SPTBN5: variants seen among roughly 807,000 people sequenced by gnomAD.
SPTBN5 encodes the protein spectrin beta, non-erythrocytic 5.
SPTBN5 carries 513 observed loss-of-function variants against 477.6 expected under a neutral mutation model. That is an observed-to-expected ratio of 1.07 (90% CI 1.00 to 1.16). The LOEUF is 1.16. Among genes scored for constraint, SPTBN5 ranks in the 50% most tolerant of loss-of-function variants. SPTBN5 has a pLI of 0.00. For synonymous variants in SPTBN5, 2,169 were observed against 2,011.7 expected, an observed-to-expected ratio of 1.08 and a Z score of -2.09; for missense variants, 5,062 against 4,731.8, an observed-to-expected ratio of 1.07 and a Z score of -2.05.
chr15:41,875,497 C>T lies in SPTBN5; in HGVS notation c.4248G>A (p.Gln1416=). ...GGAGTTGCTCCTGCTGTCCAGCCTG[C>T]TGGAGCTCGTCCCCACGCTCAGTCA... ...RKMTERGDEL[Q]QAGQQEQLLR... The change falls in exon 22 of 68, where the codon CAG becomes CAA. Residue 1416 remains glutamine (Q), a synonymous_variant. Transcript: ENST00000320955. The T allele has an allele frequency of 1.2e-6, 2 of 1,612,614 alleles. No homozygotes were observed.
intron 9 of SPTBN5, 63 bp from the exon 10 acceptor site, chr15:41,882,801 C>T (rs2067017466): frequency 1.3e-6 from 2 of 1,558,126 alleles, no homozygotes; most frequent in African/African-American, 1.4e-5. Flanking sequence ...AGTGGGTTCC[C>T]CTCCGGGTTT....
chr15:41,856,747 G>T (rs2065939072), intron 52 of SPTBN5, 106 bp downstream of exon 52: 1 of 1,358,188 alleles, frequency 7.4e-7, no homozygotes, highest in African/African-American at 1.5e-5. Flanking sequence ...CATCCCAAAA[G>T]CCCCCACAGG....
At chr15:41,882,557 C>A in intron 10 of SPTBN5, 28 bp downstream of exon 10, 1 of 1,583,278 alleles carries the variant, frequency 6.3e-7, no homozygotes, top group African/African-American at 1.3e-5. Flanking sequence ...GCGCTGGCGA[C>A]CGGCGGGCGC....
rs758945858 is a variant in SPTBN5, at chr15:41,893,271, G to T, written c.216+11C>A. 4.3e-5 allele frequency: 69 copies of T among 1,613,770 alleles called. 1 individual carries two copies. In the Middle Eastern group the frequency reaches 4.9e-4, roughly 12 times the overall value. On this transcript the variant is annotated intron_variant, in intron 2 of 67. Coordinates refer to ENST00000320955, the MANE Select transcript of SPTBN5 (RefSeq NM_016642.4). ...ATGGGTGGGCTGTGGGTCACAGCTGGCTATACTCACCTGGCCGCACTGGAA... is the reference window on the plus strand; with the variant it reads ...ATGGGTGGGCTGTGGGTCACAGCTGTCTATACTCACCTGGCCGCACTGGAA...
At position 41,851,934 on chromosome 15, in the gene SPTBN5, T is replaced by G. The variant is rs866616658; in HGVS notation, c.10585-84A>C. On this transcript the variant is annotated intron_variant, in intron 62 of 67. Transcript: ENST00000320955. ...AAGGCACCCACTGCCCCCAGCTCTCTTTATTCCTCCCATCCAAGTACTAAC... is the reference window on the plus strand; with the variant it reads ...AAGGCACCCACTGCCCCCAGCTCTCGTTATTCCTCCCATCCAAGTACTAAC... 8.8e-6 allele frequency: 10 copies of G among 1,140,154 alleles called. No individual in the cohort carries two copies. In the Middle Eastern group the frequency reaches 1.5e-3, roughly 167 times the overall value. 70.6% of individuals were successfully genotyped at this position (1,140,154 alleles called of 1,614,324 possible). A position where few individuals can be genotyped will look rare whatever the true frequency, so the allele number is the denominator to read the frequency against.
At chr15:41,873,366 G>C in intron 26 of SPTBN5, 126 bp downstream of exon 26, 1 of 724,266 alleles carries the variant, frequency 1.4e-6, no homozygotes, top group African/African-American at 1.8e-5. Context: ...GTGGGGATGG[G>C]GCTGTCTGTG....
rs771940150 is a variant in SPTBN5 at position 41,873,944 on chromosome 15, G to T, written c.4791C>A (p.Ile1597=). The change falls in exon 25 of 68, where the codon ATC becomes ATA. Residue 1597 remains isoleucine, a synonymous_variant. Coordinates refer to ENST00000320955, the MANE Select transcript of SPTBN5 (RefSeq NM_016642.4). ...AASGHPQAQH[I]VEQCQELEGH... Reference sequence around the variant, plus strand: ...CTTCCAGCTCCTGGCACTGCTCCACGATGTGTTGGGCTTGGGGGTGCCCTG... The same window carrying T: ...CTTCCAGCTCCTGGCACTGCTCCACTATGTGTTGGGCTTGGGGGTGCCCTG... The T allele has an allele frequency of 2.5e-6, 4 of 1,609,952 alleles. No homozygotes were observed. Among genetic ancestry groups the T allele is most frequent in the Admixed American group, 3.3e-5 (2 of 60,028 alleles).
rs2140928340 is a variant in SPTBN5 at position 41,862,512 on chromosome 15, G to C, written c.7385+27C>G. 2.5e-6 allele frequency: 4 copies of C among 1,575,348 alleles called. No individual in the cohort carries two copies. The East Asian group carries it at 9.1e-5, about 36-fold the overall frequency. On this transcript the variant is annotated intron_variant, in intron 43 of 67. Transcript: ENST00000320955. ...GACTGAGATGCTGGAGGATGGGTCGGCGAGGGCAAGGCCTGCGGGTTCATA... is the reference window on the plus strand; with the variant it reads ...GACTGAGATGCTGGAGGATGGGTCGCCGAGGGCAAGGCCTGCGGGTTCATA...
intron 12 of SPTBN5, 22 bp from the exon 13 acceptor site, chr15:41,881,256 G>A (rs752603787): frequency 7.6e-6 from 12 of 1,572,538 alleles, no homozygotes; most frequent in African/African-American, 6.8e-5. Flanking sequence ...AGGGCAGCGC[G>A]TCTACAGGCG....
Position 41,852,374 on chromosome 15 carries a change from C to T in SPTBN5, c.10450-58G>A, listed in dbSNP as rs2065794325. 2.0e-6 allele frequency: 3 copies of T among 1,503,784 alleles called. No individual in the cohort carries two copies. In the South Asian group the frequency reaches 3.9e-5, roughly 19 times the overall value. The allele number at this position is 1,503,784 out of a possible 1,614,324, so 93.2% of individuals were successfully genotyped here. On this transcript the variant is annotated intron_variant, in intron 61 of 67. Transcript: ENST00000320955. ...CAGGTCAGGGAGACCAGCCACACCTCAGGTTCCCGTCTACCTCCCCTCCCC... is the reference window on the plus strand; with the variant it reads ...CAGGTCAGGGAGACCAGCCACACCTTAGGTTCCCGTCTACCTCCCCTCCCC...
chr15:41,870,064 C>T, intron 31 of SPTBN5, 44 bp from the exon 32 acceptor site: 1 of 1,454,756 alleles, frequency 6.9e-7, no homozygotes, highest in Non-Finnish European at 9.1e-7. Flanking sequence ...TCATGTCCTC[C>T]TGATTATCCC....
intron 2 of SPTBN5, 105 bp from the exon 3 acceptor site, chr15:41,893,166 G>T: frequency 6.4e-7 from 1 of 1,570,382 alleles, no homozygotes; most frequent in Middle Eastern, 1.7e-4. Flanking sequence ...GGAAGAAGGA[G>T]CTCTGGCCTC....
chr15:41,876,330 G>C (rs2066726881), intron 20 of SPTBN5, 46 bp from the exon 21 acceptor site: 7 of 1,497,970 alleles, frequency 4.7e-6, no homozygotes, highest in African/African-American at 1.4e-5. Flanking sequence ...CGGTGGGTGG[G>C]GGCTGGTGCC....
chr15:41,882,334 G>A lies in SPTBN5; in HGVS notation c.2182C>T (p.Gln728Ter), dbSNP rs751230016. The A allele has an allele frequency of 2.0e-6, 3 of 1,534,270 alleles. No individual in the cohort carries two copies. The highest frequency in any genetic ancestry group is 3.9e-5 in the Admixed American group (2 of 50,924). The change falls in exon 11 of 68, where the codon CAG becomes TAG. Residue 728 changes from glutamine (Q) to a stop codon, truncating the protein, a stop_gained. Coordinates refer to ENST00000320955, the MANE Select transcript of SPTBN5 (RefSeq NM_016642.4). LOFTEE classifies it high-confidence loss of function. ...ERAEAVQGGW[Q>*]LLQTRVVGRG... ...CCCACCACCCGGGTCTGGAGCAGCT[G>A]CCACCCTCCCTGAACGGCCTCTGCC...
rs2066769928 is a variant in SPTBN5, at chr15:41,877,206, C to A, written c.3621G>T (p.Gly1207=). The change falls in exon 18 of 68, where the codon GGG becomes GGT. Residue 1207 remains glycine, a synonymous_variant. Coordinates refer to ENST00000320955, the MANE Select transcript of SPTBN5 (RefSeq NM_016642.4). ...CTCGGCCAAACTTCTGCAGCTCCAG[C>A]CCCTCTTGCAGCCACTGCTGCCTCT... ...WEQRQQWLQE[G]LELQKFGREV... is the part of the protein sequence containing the mutation. 3.7e-6 allele frequency: 6 copies of A among 1,614,014 alleles called. No homozygotes were observed. Among genetic ancestry groups the A allele is most frequent in the Non-Finnish European group, 5.1e-6 (6 of 1,179,894 alleles).
chr15:41,871,464 C>A lies in SPTBN5; in HGVS notation c.5358G>T (p.Arg1786=). Residue 1786 remains arginine, a synonymous_variant, in exon 29 of 68, where the codon CGG becomes CGT. Transcript: ENST00000320955. ...FQHQVEMGSQ[R]VAACRLLAES... ...CCGCCAGCAGCCGGCAGGCGGCCAC[C>A]CGCTGGCTGCCCATCTCCACTTGGT... is the stretch of plus-strand genomic sequence containing the variant. 1 of 1,538,278 alleles carries A rather than the reference C, an allele frequency of 6.5e-7. No individual in the cohort carries two copies. The highest frequency in any genetic ancestry group is 8.8e-7 in the Non-Finnish European group (1 of 1,140,624).
In SPTBN5 at chr15:41,876,917, T is replaced by A; in HGVS notation, c.3743A>T (p.Gln1248Leu). The A allele has an allele frequency of 2.5e-6, 4 of 1,609,990 alleles. No homozygotes were observed. Among genetic ancestry groups the A allele is most frequent in the Non-Finnish European group, 3.4e-6 (4 of 1,179,454 alleles). Residue 1248 changes from glutamine to leucine, a missense_variant, in exon 19 of 68, where the codon CAG (glutamine) becomes CTG (leucine). By Grantham distance (113) the Gln-to-Leu change is moderately radical (BLOSUM62 -2). Coordinates refer to ENST00000320955, the MANE Select transcript of SPTBN5 (RefSeq NM_016642.4). ...GAGCCGCCCAAACTCCCGGTGCTGC[T>A]GCAGCAGGCTCAGGGCCTCCCTCAC... ...EDVREALSLL[Q>L]QHREFGRLLS...
At position 41,854,001 on chromosome 15, in the gene SPTBN5, G is replaced by A. The variant is rs377048969; in HGVS notation, c.9774+49C>T. 30 of 1,519,412 alleles carry A rather than the reference G, an allele frequency of 2.0e-5. 1 individual carries two copies. In the East Asian group the frequency reaches 3.7e-4, roughly 19 times the overall value. 94.1% of individuals were successfully genotyped at this position (1,519,412 alleles called of 1,614,324 possible). On this transcript the variant is annotated intron_variant, in intron 57 of 67. Coordinates refer to ENST00000320955, the MANE Select transcript of SPTBN5 (RefSeq NM_016642.4). ...GCTGAGATAGGTCCCCTCAGCCACC[G>A]CCTTCGGGCAGGGGCTCAGACAGGC...
At position 41,893,457 on chromosome 15, in the gene SPTBN5, G is replaced by T. The variant is rs768229418; in HGVS notation, c.41C>A (p.Ala14Asp). 11 of 1,606,574 alleles carry T rather than the reference G, an allele frequency of 6.8e-6. No individual in the cohort carries two copies. The South Asian group carries it at 1.1e-4, about 16-fold the overall frequency. ...QPHSPRELLG[A>D]AGHRSRRPST... Reference sequence around the variant, plus strand: ...GGGCCTCCTGCTGCGGTGCCCTGCAGCCCCGAGGAGCTCCCGGGGACTGTG... The same window carrying T: ...GGGCCTCCTGCTGCGGTGCCCTGCATCCCCGAGGAGCTCCCGGGGACTGTG... Residue 14 changes from alanine to aspartate, a missense_variant, in exon 2 of 68, where the codon GCT (alanine) becomes GAT (aspartate). Coordinates refer to ENST00000320955, the MANE Select transcript of SPTBN5 (RefSeq NM_016642.4).
Sources: allele counts gnomAD v4.1 joint callset, GRCh38; gene constraint gnomAD v4.1.1; transcripts MANE v1.5; gene names NCBI Gene and HGNC (gene_info 2026-07-23, HGNC 2026-07-21).